The following DCC variants were observed in gnomAD, a reference collection of about 807,000 sequenced individuals.
DCC encodes netrin receptor DCC.
A neutral mutation model predicts 172.5 loss-of-function variants in DCC; 58 were observed. That is an observed-to-expected ratio of 0.34 (90% CI 0.27 to 0.42). The LOEUF (loss-of-function observed/expected upper bound fraction) is 0.42, where lower values mean the gene tolerates loss of function less well. Ranked by LOEUF, DCC falls within the 10% of genes least tolerant of loss-of-function variation. DCC has a pLI of 1.00. For missense variants in DCC, 1,740 were observed against 1,791.0 expected (o/e 0.97, Z 0.51); for synonymous variants, 709 against 644.5 (o/e 1.10, Z -1.52).
intron 12 of DCC, among the ~76,000 whole-genome samples, chr18:53,257,994 T>C (rs2056543512): frequency 6.6e-6 from 1 of 152,226 alleles, no homozygotes; most frequent in African/African-American, 2.4e-5. Flanking sequence ...CTAGTTTATT[T>C]GTGTAGAGGT....
chr18:53,025,904 AATAAAT>A (rs2041949051), intron 5 of DCC, among the ~76,000 whole-genome samples: 1 of 151,842 alleles, frequency 6.6e-6, no homozygotes, highest in Non-Finnish European at 1.5e-5. Context: ...TGTGGTGTAA[AATAAAT>A]ATAATTTATT....
At chr18:52,473,440 T>C (rs1481424233) in intron 1 of DCC, among the ~76,000 whole-genome samples, 2 of 152,230 alleles carry the variant, frequency 1.3e-5, no homozygotes. Context: ...TTTATGCTGC[T>C]AATAAAAACA....
intron 12 of DCC, among the ~76,000 whole-genome samples, chr18:53,290,158 G>A (rs1166862567): frequency 4.6e-5 from 7 of 152,114 alleles, no homozygotes; most frequent in Admixed American, 1.3e-4. Flanking sequence ...CATACTATTG[G>A]TCTATCATCT....
At chr18:52,790,810 G>A (rs1423876412) in intron 2 of DCC, among the ~76,000 whole-genome samples, 1 of 152,032 alleles carries the variant, frequency 6.6e-6, no homozygotes, top group Non-Finnish European at 1.5e-5. Context: ...CTACAGTTGG[G>A]GTTAAGCTTT....
chr18:53,349,337 A>G (rs569848847), intron 15 of DCC, among the ~76,000 whole-genome samples: 19 of 152,308 alleles, frequency 1.2e-4, no homozygotes, highest in African/African-American at 4.6e-4. Flanking sequence ...TATTGTTCAT[A>G]TCGCTATCAG....
intron 3 of DCC, among the ~76,000 whole-genome samples, chr18:52,918,141 T>C (rs984891710): frequency 4.6e-5 from 7 of 152,170 alleles, no homozygotes; most frequent in East Asian, 1.9e-4. Context: ...AAAATGACCA[T>C]GTATGTGTCA....
At chr18:53,262,301 C>T (rs996277921) in intron 12 of DCC, among the ~76,000 whole-genome samples, 1 of 152,158 alleles carries the variant, frequency 6.6e-6, no homozygotes, top group Non-Finnish European at 1.5e-5. Flanking sequence ...ACTCTATATA[C>T]AGACCAAATG....
intron 1 of DCC, among the ~76,000 whole-genome samples, chr18:52,739,533 A>G (rs988455654): frequency 2.0e-5 from 3 of 152,184 alleles, no homozygotes; most frequent in African/African-American, 7.2e-5. Context: ...GAGAGGTACA[A>G]TAAAGGGCTA....
intron 3 of DCC, among the ~76,000 whole-genome samples, chr18:52,920,753 A>G (rs1447742720): frequency 6.6e-6 from 1 of 152,192 alleles, no homozygotes; most frequent in Non-Finnish European, 1.5e-5. Context: ...TTTGTTTATA[A>G]TCACCAAAAA....
At chr18:52,418,085 G>A (rs1255439982) in intron 1 of DCC, among the ~76,000 whole-genome samples, 1 of 152,120 alleles carries the variant, frequency 6.6e-6, no homozygotes, top group African/African-American at 2.4e-5. Context: ...CTTGCTCCAG[G>A]TCCTGAAAAT....
At chr18:53,446,822 T>C (rs555870104) in intron 22 of DCC, among the ~76,000 whole-genome samples, 3 of 152,292 alleles carry the variant, frequency 2.0e-5, no homozygotes, top group South Asian at 2.1e-4. Flanking sequence ...TTTTTTGGTA[T>C]GTTTCTGCCA....
intron 2 of DCC, among the ~76,000 whole-genome samples, chr18:52,790,865 A>C (rs1005288855): frequency 6.6e-6 from 1 of 152,212 alleles, no homozygotes; most frequent in African/African-American, 2.4e-5. Context: ...TATCTGAGTT[A>C]AATTTTAGAA....
intron 5 of DCC, among the ~76,000 whole-genome samples, chr18:53,020,117 A>G (rs1042488050): frequency 1.4e-4 from 21 of 152,294 alleles, no homozygotes; most frequent in Admixed American, 8.5e-4. Flanking sequence ...AATTTCCCTT[A>G]CTAGATTGTA....
intron 2 of DCC, among the ~76,000 whole-genome samples, chr18:52,889,994 A>G (rs1311211080): frequency 5.3e-5 from 8 of 152,276 alleles, no homozygotes; most frequent in African/African-American, 1.7e-4. Flanking sequence ...ATAGAGTACT[A>G]TATCTGACCT....
chr18:52,443,974 A>G (rs187117189), intron 1 of DCC, among the ~76,000 whole-genome samples: 16 of 152,316 alleles, frequency 1.1e-4, no homozygotes, highest in Middle Eastern at 3.4e-3. Flanking sequence ...ACTTTGAGGC[A>G]GTAGATTTAT....
chr18:52,733,345 T>G (rs1223941928), intron 1 of DCC, among the ~76,000 whole-genome samples: 1 of 152,208 alleles, frequency 6.6e-6, no homozygotes, highest in Non-Finnish European at 1.5e-5. Flanking sequence ...AATACTTTGG[T>G]GATATTTCTT....
chr18:52,806,753 G>A (rs1238723334), intron 2 of DCC, among the ~76,000 whole-genome samples: 2 of 152,114 alleles, frequency 1.3e-5, no homozygotes, highest in East Asian at 3.9e-4. Flanking sequence ...GGCAGTGGTG[G>A]GAGTGTCATT....
intron 1 of DCC, among the ~76,000 whole-genome samples, chr18:52,666,254 AC>A (rs1339481365): frequency 6.6e-6 from 1 of 152,182 alleles, no homozygotes; most frequent in African/African-American, 2.4e-5. Context: ...AGATGTTGCC[AC>A]TACACTCCAG....
chr18:52,827,999 A>G (rs2038542663), intron 2 of DCC, among the ~76,000 whole-genome samples: 1 of 151,800 alleles, frequency 6.6e-6, no homozygotes, highest in Non-Finnish European at 1.5e-5. Context: ...GGGCCTCCAC[A>G]TTTCCACTTT....
Sources: allele counts gnomAD v4.1 joint callset (sites outside exome capture counted in the v4.1 genomes callset), GRCh38; gene constraint gnomAD v4.1.1; transcripts MANE v1.5; gene names NCBI Gene and HGNC (gene_info 2026-07-23, HGNC 2026-07-21).